The following PTPRN2 variants were observed in gnomAD, a reference collection of about 807,000 sequenced individuals.
PTPRN2 encodes the protein protein tyrosine phosphatase receptor type N2.
PTPRN2 carries 74 observed loss-of-function variants against 118.8 expected under a neutral mutation model. The observed-to-expected ratio is 0.62, with a 90% CI of 0.52 to 0.76. PTPRN2 has a LOEUF of 0.76. Ranked by LOEUF, PTPRN2 falls within the 30% of genes least tolerant of loss-of-function variation. The pLI, the probability that PTPRN2 is intolerant of heterozygous loss-of-function variation, is 0.00. For missense variants in PTPRN2, 1,481 were observed against 1,394.4 expected (o/e 1.06, Z -0.99); for synonymous variants, 641 against 608.0 (o/e 1.05, Z -0.80).
chr7:158,354,547 A>T (rs557381754), intron 2 of PTPRN2, among the ~76,000 whole-genome samples: 2 of 152,368 alleles, frequency 1.3e-5, no homozygotes, highest in East Asian at 3.9e-4. Context: ...AAATACATTT[A>T]GCGAAATGAG....
chr7:158,468,914 C>A (rs796408693), intron 2 of PTPRN2, among the ~76,000 whole-genome samples: 11 of 150,236 alleles, frequency 7.3e-5, no homozygotes, highest in Non-Finnish European at 1.5e-4. Flanking sequence ...TGTGCACACC[C>A]AGGCACACTC....
At chr7:158,172,645 T>A (rs1337728647) in intron 5 of PTPRN2, among the ~76,000 whole-genome samples, 1 of 141,178 alleles carries the variant, frequency 7.1e-6, no homozygotes, top group East Asian at 2.3e-4. Context: ...ACCATCACCA[T>A]CCCACCATCC....
chr7:158,149,978 C>G (rs112592238), intron 6 of PTPRN2, among the ~76,000 whole-genome samples: 2,686 of 152,236 alleles, frequency 0.018, 89 homozygotes, highest in African/African-American at 0.061. Context: ...CAACACAATT[C>G]TTTGCTGTTT....
At chr7:158,104,634 C>T (rs1281783834) in intron 10 of PTPRN2, among the ~76,000 whole-genome samples, 2 of 152,040 alleles carry the variant, frequency 1.3e-5, no homozygotes, top group Admixed American at 6.6e-5. Flanking sequence ...CATCCCAGCT[C>T]CATCCCAAAA....
chr7:158,479,841 G>A (rs951518551), intron 2 of PTPRN2, among the ~76,000 whole-genome samples: 2 of 152,240 alleles, frequency 1.3e-5, no homozygotes, highest in Non-Finnish European at 2.9e-5. Flanking sequence ...GGTGGCGGGC[G>A]CAAGCCAGCT....
chr7:157,992,765 C>T (rs567739668), intron 11 of PTPRN2, among the ~76,000 whole-genome samples: 5 of 152,242 alleles, frequency 3.3e-5, no homozygotes, highest in Non-Finnish European at 5.9e-5. Flanking sequence ...AGCTTGTGGA[C>T]TGTCCTCCAG....
At chr7:158,173,046 C>A (rs1038489239) in intron 5 of PTPRN2, among the ~76,000 whole-genome samples, 4 of 151,398 alleles carry the variant, frequency 2.6e-5, no homozygotes, top group Non-Finnish European at 5.9e-5. Context: ...ACCATCATCA[C>A]CCCAATCATC....
At chr7:157,886,402 C>T (rs73746697) in intron 12 of PTPRN2, among the ~76,000 whole-genome samples, 2,891 of 152,248 alleles carry the variant, frequency 0.019, 79 homozygotes, top group African/African-American at 0.062. Context: ...CAGGGACTGC[C>T]GTTGCCACAG....
At chr7:158,357,487 G>T (rs1808482712) in intron 2 of PTPRN2, among the ~76,000 whole-genome samples, 1 of 152,216 alleles carries the variant, frequency 6.6e-6, no homozygotes. Flanking sequence ...CCAGACCCCG[G>T]ACAAGGCCAG....
intron 14 of PTPRN2, among the ~76,000 whole-genome samples, chr7:157,646,179 C>A (rs1280946206): frequency 2.0e-5 from 3 of 152,186 alleles, no homozygotes; most frequent in Non-Finnish European, 4.4e-5. Context: ...TGTGTCCTGG[C>A]CAGTCTCATG....
rs1247048907 is a variant in PTPRN2 at position 158,563,747 on chromosome 7, G to T, written c.112+23811C>A. Among the ~76,000 whole-genome samples, 1 of 152,270 alleles carries T rather than the reference G, an allele frequency of 6.6e-6. No homozygotes were observed. The highest frequency in any genetic ancestry group is 1.9e-4 in the East Asian group (1 of 5,202). ...GAGGGGCCTTCCATCTAGGGGCACA[G>T]TCTCCCTCCCTTCCCCTTATCCCTC... is the stretch of plus-strand genomic sequence containing the variant. On this transcript the variant is annotated intron_variant, in intron 1 of 22. Transcript: ENST00000389418. This position sits in a 1 kb window ranked among gnomAD's most constrained non-coding sequence, Gnocchi z 5.1.
chr7:157,878,463 T>C (rs1795919219), intron 12 of PTPRN2, among the ~76,000 whole-genome samples: 2 of 135,006 alleles, frequency 1.5e-5, no homozygotes, highest in Non-Finnish European at 3.1e-5. Context: ...TCGGATTCCG[T>C]GGGGCTGGAA....
chr7:157,639,826 G>A (rs80065969), intron 14 of PTPRN2, among the ~76,000 whole-genome samples: 1,579 of 152,284 alleles, frequency 0.01, 56 homozygotes, highest in Admixed American at 0.077. Context: ...CAGGAATCTC[G>A]TCTGTCACCA....
intron 1 of PTPRN2, among the ~76,000 whole-genome samples, chr7:158,493,185 C>T (rs941982719): frequency 6.6e-6 from 1 of 152,244 alleles, no homozygotes; most frequent in African/African-American, 2.4e-5. Flanking sequence ...GGTATCCCTC[C>T]TGCTTCAGCA....
intron 3 of PTPRN2, among the ~76,000 whole-genome samples, chr7:158,281,212 C>T (rs546282213): frequency 1.3e-5 from 2 of 152,212 alleles, no homozygotes; most frequent in Non-Finnish European, 2.9e-5. Flanking sequence ...TCACTTGAAC[C>T]GGGGAGGCAG....
At chr7:158,145,768 G>A (rs1819901407) in intron 6 of PTPRN2, among the ~76,000 whole-genome samples, 1 of 152,186 alleles carries the variant, frequency 6.6e-6, no homozygotes. Context: ...TAGGACCTTA[G>A]ACACATTTAA....
At position 157,977,212 on chromosome 7, in the gene PTPRN2, G is replaced by A. The variant is rs186077353; in HGVS notation, c.1724-78475C>T. Among the ~76,000 whole-genome samples the A allele has an allele frequency of 1.3e-5, 2 of 152,054 alleles. No homozygotes were observed. The highest frequency in any genetic ancestry group is 3.9e-4 in the East Asian group (2 of 5,168). On this transcript the variant is annotated intron_variant, in intron 11 of 22. Transcript: ENST00000389418. This position sits in a 1 kb window ranked among gnomAD's most constrained non-coding sequence, Gnocchi z 4.6. ...GTACAGGTGCCGTTCCAGCACCGGG[G>A]ACTCCCTGGTGTGACCCACAGGTAG...
At chr7:158,284,817 A>G (rs977478440) in intron 3 of PTPRN2, among the ~76,000 whole-genome samples, 8 of 152,212 alleles carry the variant, frequency 5.3e-5, no homozygotes, top group Non-Finnish European at 1.2e-4. Context: ...CTTCTACTAC[A>G]TATGTGTATC....
At chr7:158,374,783 C>T (rs548210643) in intron 2 of PTPRN2, among the ~76,000 whole-genome samples, 4 of 152,310 alleles carry the variant, frequency 2.6e-5, no homozygotes, top group African/African-American at 9.6e-5. Context: ...TGGGAGAAGT[C>T]ATTTCCGGGG....
Sources: allele counts gnomAD v4.1 joint callset (sites outside exome capture counted in the v4.1 genomes callset), GRCh38; gene constraint gnomAD v4.1.1; non-coding constraint Gnocchi (gnomAD v3.1); transcripts MANE v1.5; gene names NCBI Gene and HGNC (gene_info 2026-07-23, HGNC 2026-07-21).